The following ARHGEF18 variants were observed in gnomAD, a reference collection of about 807,000 sequenced individuals.
ARHGEF18 encodes the protein rho guanine nucleotide exchange factor 18.
Under a neutral mutation model 155.7 loss-of-function variants are expected in ARHGEF18, and 93 were observed. The ratio of observed to expected loss-of-function variants is 0.60; its 90% CI spans 0.50 to 0.71. The LOEUF (loss-of-function observed/expected upper bound fraction) is 0.71. Among genes scored for constraint, ARHGEF18 ranks in the 30% least tolerant of loss-of-function variants. The probability of loss-of-function intolerance (pLI) is 0.00; values close to 1 mark genes in which losing one functional copy is unlikely to be tolerated. For synonymous variants in ARHGEF18, 742 were observed against 753.1 expected (o/e 0.99, Z 0.24); for missense variants, 1,593 against 1,816.1 (o/e 0.88, Z 2.23).
intron 10 of ARHGEF18, among the ~76,000 whole-genome samples, chr19:7,384,498 C>A (rs138004526): frequency 6.6e-5 from 10 of 152,278 alleles, no homozygotes; most frequent in Middle Eastern, 3.4e-3. Flanking sequence ...CTGCTTCAGG[C>A]GTGGGAATTT....
chr19:7,451,659 C>T (rs1975484177), intron 16 of ARHGEF18, among the ~76,000 whole-genome samples: 1 of 151,986 alleles, frequency 6.6e-6, no homozygotes, highest in South Asian at 2.1e-4. Flanking sequence ...AAGTGATCCT[C>T]CCACCTCGGT....
chr19:7,474,895 C>T (rs918193319), downstream of ARHGEF18, among the ~76,000 whole-genome samples: 1 of 152,004 alleles, frequency 6.6e-6, no homozygotes, highest in Non-Finnish European at 1.5e-5. Context: ...TCCTTATGGG[C>T]CCTGGGGGGC....
intron 1 of ARHGEF18, among the ~76,000 whole-genome samples, chr19:7,356,505 C>T (rs1022455822): frequency 1.3e-5 from 2 of 151,910 alleles, no homozygotes; most frequent in African/African-American, 2.4e-5. Flanking sequence ...AACTCCTGAC[C>T]GCAGGTGATC....
At position 7,467,271 on chromosome 19, in the gene ARHGEF18, C is replaced by T. The variant is rs1389760194; in HGVS notation, c.3067C>T (p.Arg1023Trp). ...VETQRAAIQE[R>W]EKQFRLQSTR... ...GACGCAGCGGGCTGCCATCCAGGAG[C>T]GGGAGAAGCAGTTCCGGCTGCAGTC... is the stretch of plus-strand genomic sequence containing the variant. Residue 1023 changes from arginine (R) to tryptophan (W), a missense_variant, in exon 26 of 29, where the codon CGG becomes TGG. Coordinates refer to ENST00000668164, the MANE Select transcript of ARHGEF18 (RefSeq NM_001367823.1). 2 of 1,558,300 alleles carry T rather than the reference C, an allele frequency of 1.3e-6. No individual in the cohort carries two copies. Among genetic ancestry groups the T allele is most frequent in the Admixed American group, 1.9e-5 (1 of 52,312 alleles).
chr19:7,444,513 TTTC>T lies in ARHGEF18; in HGVS notation c.1611+65_1611+67del, dbSNP rs1273516492. On this transcript the variant is annotated intron_variant, in intron 14 of 28. Coordinates refer to ENST00000668164, the MANE Select transcript of ARHGEF18 (RefSeq NM_001367823.1). The surrounding 1 kb of genome is among the most constrained non-coding windows in gnomAD (Gnocchi z 4.7). ...AAAGCCTCTGCCTTGTCTCTGTTCC[TTTC>T]TTCTTTTTTTCTGAGATAGGGTCTT... The T allele has an allele frequency of 1.3e-5, 20 of 1,580,854 alleles. No individual in the cohort carries two copies. Among genetic ancestry groups the T allele is most frequent in the Non-Finnish European group, 1.6e-5 (19 of 1,163,910 alleles).
In ARHGEF18 at chr19:7,451,100, C is replaced by T. The variant is rs974870615; in HGVS notation, c.1738-49C>T. The T allele has an allele frequency of 1.1e-5, 15 of 1,393,446 alleles. No homozygotes were observed. In the Admixed American group the frequency reaches 1.6e-4, roughly 15 times the overall value. 86.3% of individuals were successfully genotyped at this position (1,393,446 alleles called of 1,614,324 possible). A position where few individuals can be genotyped will look rare whatever the true frequency, so the allele number is the denominator to read the frequency against. On this transcript the variant is annotated intron_variant, in intron 15 of 28. Coordinates refer to ENST00000668164, the MANE Select transcript of ARHGEF18 (RefSeq NM_001367823.1). ...TCTGAGATGTTAATACAGGATCTTGCTGTCCGTTTCTGAGATGTTAATACA... is the reference window on the plus strand; with the variant it reads ...TCTGAGATGTTAATACAGGATCTTGTTGTCCGTTTCTGAGATGTTAATACA...
intron 2 of ARHGEF18, among the ~76,000 whole-genome samples, chr19:7,363,217 AGGAT>A (rs374598545): frequency 4.4e-4 from 67 of 151,968 alleles, no homozygotes; most frequent in African/African-American, 1.5e-3. Flanking sequence ...GATGAGTAGA[AGGAT>A]GGATGGATGG....
intron 10 of ARHGEF18, among the ~76,000 whole-genome samples, chr19:7,390,028 C>A (rs1971307848): frequency 6.6e-6 from 1 of 151,448 alleles, no homozygotes; most frequent in South Asian, 2.1e-4. Context: ...CTCGTCTCTA[C>A]AAAAAAAATG....
intron 2 of ARHGEF18, among the ~76,000 whole-genome samples, chr19:7,363,775 T>C (rs1463481159): frequency 6.8e-6 from 1 of 146,594 alleles, no homozygotes; most frequent in Non-Finnish European, 1.5e-5. Context: ...GGAAGGAGGA[T>C]GGATAAATGA....
chr19:7,439,280 A>ACCC (rs113289764), intron 10 of ARHGEF18, among the ~76,000 whole-genome samples: 6,489 of 144,484 alleles, frequency 0.045, 384 homozygotes, highest in African/African-American at 0.14. Flanking sequence ...ACATAGTGAG[A>ACCC]CCCCCCCCCA....
intron 2 of ARHGEF18, among the ~76,000 whole-genome samples, 151 bp from the exon 3 acceptor site, chr19:7,372,661 G>A (rs940577164): frequency 2.6e-5 from 4 of 152,172 alleles, no homozygotes; most frequent in African/African-American, 4.8e-5. Context: ...CATCCCACCC[G>A]CTGTGAGGAG....
chr19:7,457,998 G>A (rs377068859), intron 18 of ARHGEF18, among the ~76,000 whole-genome samples: 2 of 151,818 alleles, frequency 1.3e-5, no homozygotes, highest in East Asian at 1.9e-4. Context: ...ACACATTATC[G>A]GGATACTAAG....
In ARHGEF18 at chr19:7,459,900, C is replaced by A; in HGVS notation, c.2361-3C>A. The A allele has an allele frequency of 6.4e-7, 1 of 1,570,032 alleles. No individual in the cohort carries two copies. The highest frequency in any genetic ancestry group is 1.2e-5 in the South Asian group (1 of 85,392). On this transcript the variant is annotated splice_region_variant and splice_polypyrimidine_tract_variant and intron_variant, in intron 19 of 28. Coordinates refer to ENST00000668164, the MANE Select transcript of ARHGEF18 (RefSeq NM_001367823.1). The stretch of plus-strand genomic sequence containing the variant: ...GTTACCCACCCGACTCCTCTCCCTG[C>A]AGCTGCCCTGACGAGGAGGAGGGGC...
chr19:7,425,406 G>A (rs1368560633), intron 10 of ARHGEF18, among the ~76,000 whole-genome samples: 3 of 152,134 alleles, frequency 2.0e-5, no homozygotes, highest in Admixed American at 1.3e-4. Context: ...AGAATGGGCC[G>A]GGCACAGTGG....
chr19:7,396,741 C>T (rs60347693), intron 10 of ARHGEF18, among the ~76,000 whole-genome samples: 8,566 of 151,288 alleles, frequency 0.057, 776 homozygotes, highest in African/African-American at 0.19. Context: ...GTCAGGAGCA[C>T]AGGCTTGAGG....
chr19:7,429,535 G>C (rs914482501), intron 10 of ARHGEF18, among the ~76,000 whole-genome samples: 2 of 152,116 alleles, frequency 1.3e-5, no homozygotes, highest in African/African-American at 4.8e-5. Flanking sequence ...CCCGGGAGGC[G>C]GAGGTTGCAG....
intron 6 of ARHGEF18, 83 bp from the exon 7 acceptor site, chr19:7,379,039 G>A: frequency 8.4e-7 from 1 of 1,194,578 alleles, no homozygotes; most frequent in Non-Finnish European, 1.0e-6. Flanking sequence ...AGGCCTGCTT[G>A]GGCAACCCCA....
intron 15 of ARHGEF18, among the ~76,000 whole-genome samples, chr19:7,450,714 TGCA>T (rs1975360306): frequency 4.8e-5 from 5 of 103,578 alleles, no homozygotes; most frequent in Admixed American, 1.1e-4. Flanking sequence ...GAGATGTTAA[TGCA>T]AGATCTTGCT....
intron 1 of ARHGEF18, among the ~76,000 whole-genome samples, chr19:7,358,228 T>TCCATCCATCCAC (rs1568261522): frequency 6.7e-6 from 1 of 149,364 alleles, no homozygotes; most frequent in Admixed American, 6.7e-5. Context: ...CATCCATCCA[T>TCCATCCATCCAC]CCATCCATCC....
Sources: allele counts gnomAD v4.1 joint callset (sites outside exome capture counted in the v4.1 genomes callset), GRCh38; gene constraint gnomAD v4.1.1; non-coding constraint Gnocchi (gnomAD v3.1); transcripts MANE v1.5; gene names NCBI Gene and HGNC (gene_info 2026-07-23, HGNC 2026-07-21).